Variants in WDR4 observed in about 807,000 individuals in gnomAD.
The protein encoded by WDR4 is WDR4 tRNA N7-guanosine methyltransferase non-catalytic subunit, also known as tRNA (guanine-N(7)-)-methyltransferase non-catalytic subunit WDR4.
WDR4 carries 47 observed loss-of-function variants against 48.6 expected under a neutral mutation model. That is an observed-to-expected ratio of 0.97 (90% confidence interval 0.77 to 1.23). The LOEUF (loss-of-function observed/expected upper bound fraction) is 1.23, where lower values mean the gene tolerates loss of function less well. WDR4 is among the 50% of genes most tolerant of loss of function. The pLI, the probability that WDR4 is intolerant of heterozygous loss-of-function variation, is 0.00. For synonymous variants in WDR4, 268 were observed against 230.0 expected, an observed-to-expected ratio of 1.17 and a Z score of -1.49; for missense variants, 606 against 551.6, an observed-to-expected ratio of 1.10 and a Z score of -0.99.
At chr21:42,867,962 G>T (rs971439933) in intron 3 of WDR4, among the ~76,000 whole-genome samples, 1 of 152,108 alleles carries the variant, frequency 6.6e-6, no homozygotes, top group African/African-American at 2.4e-5. Flanking sequence ...TCTTGGCAAA[G>T]CACCTACAAC....
chr21:42,877,342 C>T (rs898964207), intron 1 of WDR4, among the ~76,000 whole-genome samples: 2 of 151,320 alleles, frequency 1.3e-5, no homozygotes, highest in African/African-American at 4.9e-5. Context: ...CGGGGTTTCG[C>T]CATGTTGGCC....
chr21:42,877,532 C>A (rs576617266), intron 1 of WDR4, among the ~76,000 whole-genome samples: 1 of 150,712 alleles, frequency 6.6e-6, no homozygotes, highest in Non-Finnish European at 1.5e-5. Context: ...TTTGCACACT[C>A]ATTAAATTAA....
chr21:42,884,604 G>A, the WDR4 span, among the ~76,000 whole-genome samples: 2 of 151,150 alleles, frequency 1.3e-5, no homozygotes, highest in Non-Finnish European at 1.5e-5. Flanking sequence ...CCGAGATCAC[G>A]CCATTGCACT....
At chr21:42,875,980 C>T (rs111882001) in intron 2 of WDR4, among the ~76,000 whole-genome samples, 3 of 130,850 alleles carry the variant, frequency 2.3e-5, no homozygotes, top group East Asian at 4.4e-4. Flanking sequence ...AGTGCGGTGG[C>T]GCAACCTCGG....
the WDR4 span, among the ~76,000 whole-genome samples, chr21:42,891,512 G>A: frequency 2.6e-5 from 4 of 152,090 alleles, no homozygotes; most frequent in East Asian, 7.7e-4. Flanking sequence ...GAAGTGGGGA[G>A]CTCCAGGTCC....
rs60406170 is a variant in WDR4 at position 42,849,750 on chromosome 21, A to C, written c.*299T>G. ...GGCGGTATGAGAACAGGAGAAACAC[A>C]GACAGCTGCCGCCACCACCGGCTCA... On this transcript the variant is annotated 3_prime_UTR_variant, in exon 11 of 11. Coordinates refer to ENST00000398208, the MANE Select transcript of WDR4 (RefSeq NM_018669.6). The C allele has an allele frequency of 0.093, 30,945 of 332,434 alleles. 1,658 individuals carry two copies. Among genetic ancestry groups the C allele is most frequent in the African/African-American group, 0.14 (6,499 of 45,906 alleles). 20.6% of individuals were successfully genotyped at this position (332,434 alleles called of 1,614,324 possible).
the WDR4 span, among the ~76,000 whole-genome samples, chr21:42,890,802 C>T: frequency 1.0e-5 from 1 of 99,090 alleles, no homozygotes; most frequent in Admixed American, 8.1e-5. Context: ...TTGGAAAATA[C>T]AATAATGTAT....
chr21:42,890,087 A>T, the WDR4 span, among the ~76,000 whole-genome samples: 24 of 152,010 alleles, frequency 1.6e-4, no homozygotes, highest in Non-Finnish European at 3.1e-4. Flanking sequence ...AAAAGAAAAA[A>T]ATATATATAT....
In WDR4 at chr21:42,860,376, A is replaced by G. The variant is rs139390187; in HGVS notation, c.567-654T>C. On this transcript the variant is annotated intron_variant, in intron 5 of 10. Transcript: ENST00000398208. ...TCCCATCAGAACAGCCATGAAGAAT[A>G]ACCCAAGCAGCCCAGCTCGCCTGGA... 1.1e-3 allele frequency among the ~76,000 whole-genome samples: 163 copies of G among 152,340 alleles called. 1 individual carries two copies. The highest frequency in any genetic ancestry group is 3.1e-3 in the African/African-American group (130 of 41,580).
chr21:42,843,825 C>T (rs1326254335), intron 11 of WDR4, among the ~76,000 whole-genome samples: 1 of 152,082 alleles, frequency 6.6e-6, no homozygotes, highest in Non-Finnish European at 1.5e-5. Context: ...TCCCAAAATG[C>T]TGGGATTACA....
At chr21:42,874,020 C>T (rs1361592519) in intron 2 of WDR4, among the ~76,000 whole-genome samples, 2 of 152,088 alleles carry the variant, frequency 1.3e-5, no homozygotes, top group Non-Finnish European at 2.9e-5. Context: ...CTCACATTAA[C>T]AATACTAATA....
At chr21:42,874,807 T>C (rs2058453441) in intron 2 of WDR4, among the ~76,000 whole-genome samples, 1 of 152,164 alleles carries the variant, frequency 6.6e-6, no homozygotes, top group Non-Finnish European at 1.5e-5. Flanking sequence ...CCGAAACTTA[T>C]TAGCAATTTT....
At chr21:42,848,253 CCCAGAAGCCTGCCCATT>C (rs1242649712), downstream of WDR4, among the ~76,000 whole-genome samples, 1 of 152,176 alleles carries the variant, frequency 6.6e-6, no homozygotes, top group Non-Finnish European at 1.5e-5. Flanking sequence ...AAGTGATGTA[CCCAGAAGCCTGCCCATT>C]GCAGAAGCCT....
intron 9 of WDR4, among the ~76,000 whole-genome samples, chr21:42,853,089 C>T (rs943674584): frequency 6.6e-6 from 1 of 152,144 alleles, no homozygotes; most frequent in African/African-American, 2.4e-5. Flanking sequence ...AGCAAGGAAG[C>T]AGCTCGGCCC....
intron 6 of WDR4, 61 bp from the exon 7 acceptor site, chr21:42,855,841 CAGAG>C (rs1244315000): frequency 1.5e-6 from 2 of 1,375,696 alleles, no homozygotes; most frequent in Non-Finnish European, 9.9e-7. Context: ...GGTAGGGTGA[CAGAG>C]AGGACAGCTG....
the WDR4 span, among the ~76,000 whole-genome samples, chr21:42,890,217 G>T: frequency 2.6e-5 from 4 of 151,892 alleles, no homozygotes; most frequent in Admixed American, 6.6e-5. Flanking sequence ...GGATCCAAGT[G>T]ATCCTGTTGT....
chr21:42,872,948 A>C (rs2058405726), intron 3 of WDR4, among the ~76,000 whole-genome samples: 1 of 152,194 alleles, frequency 6.6e-6, no homozygotes, highest in African/African-American at 2.4e-5. Flanking sequence ...AAAAAAATAA[A>C]AAAGGAGGAA....
chr21:42,883,261 T>G, upstream of WDR4, among the ~76,000 whole-genome samples: 1 of 126,566 alleles, frequency 7.9e-6, no homozygotes, highest in South Asian at 2.5e-4. Context: ...AGTAACAGAG[T>G]GAGACTCTGT....
At chr21:42,844,130 G>T (rs1003354072) in intron 11 of WDR4, among the ~76,000 whole-genome samples, 2 of 152,192 alleles carry the variant, frequency 1.3e-5, no homozygotes, top group African/African-American at 4.8e-5. Flanking sequence ...TACCAAAAAT[G>T]AAACGCAAAC....
Sources: gnomAD v4.1 joint callset for allele counts (sites outside exome capture counted in the v4.1 genomes callset) on GRCh38, gnomAD v4.1.1 for gene constraint, MANE v1.5 for transcripts, NCBI Gene and HGNC (gene_info 2026-07-23, HGNC 2026-07-21) for gene names.